PER2: variants seen among roughly 807,000 people sequenced by gnomAD.
PER2 encodes the protein period circadian regulator 2.
Under a neutral mutation model 121.0 loss-of-function variants are expected in PER2, and 66 were observed. The observed-to-expected ratio is 0.55, with a 90% CI of 0.45 to 0.67. The LOEUF is 0.67. PER2 is among the 30% of genes least tolerant of loss of function. PER2 has a pLI of 0.00. For synonymous variants in PER2, 684 were observed against 659.9 expected, an observed-to-expected ratio of 1.04 and a Z score of -0.56; for missense variants, 1,521 against 1,635.0, an observed-to-expected ratio of 0.93 and a Z score of 1.20.
chr2:238,274,966 GACC>G (rs1696407320), intron 4 of PER2, among the ~76,000 whole-genome samples: 1 of 152,156 alleles, frequency 6.6e-6, no homozygotes, highest in Admixed American at 6.5e-5. Flanking sequence ...GAGTGCTGAT[GACC>G]TGCTCACTGC....
chr2:238,297,298 G>A, the PER2 span, among the ~76,000 whole-genome samples: 2 of 152,222 alleles, frequency 1.3e-5, no homozygotes. Context: ...AGAATAGTGT[G>A]AAAACTGGAG....
chr2:238,255,428 CACTAGCCTGGGACT>C (rs1695729790), intron 18 of PER2: 4 of 603,512 alleles, frequency 6.6e-6, no homozygotes, highest in African/African-American at 5.5e-5. Context: ...CCACCTCGGG[CACTAGCCTGGGACT>C]ATTCCCCAGG....
At chr2:238,291,437 A>G (rs1160725573), upstream of PER2, among the ~76,000 whole-genome samples, 1 of 152,238 alleles carries the variant, frequency 6.6e-6, no homozygotes, top group African/African-American at 2.4e-5. Context: ...ACTATGTACC[A>G]GGCAACTGTG....
At chr2:238,272,231 C>A (rs1488793204) in intron 5 of PER2, among the ~76,000 whole-genome samples, 6 of 152,238 alleles carry the variant, frequency 3.9e-5, no homozygotes, top group Admixed American at 2.0e-4. Flanking sequence ...GTCTCCACCC[C>A]CTGGGAGGCG....
chr2:238,258,004 A>G (rs2106373048), intron 16 of PER2, among the ~76,000 whole-genome samples: 1 of 152,312 alleles, frequency 6.6e-6, no homozygotes, highest in Middle Eastern at 3.4e-3. Context: ...GGACCAGGAG[A>G]TGTCCCTGCA....
intron 17 of PER2, 123 bp from the exon 18 acceptor site, chr2:238,256,034 T>C (rs945419743): frequency 1.1e-5 from 13 of 1,236,584 alleles, no homozygotes; most frequent in Non-Finnish European, 1.3e-5. Context: ...GCCTGTGGCA[T>C]GAGGATGAGA....
intron 22 of PER2, 31 bp downstream of exon 22, chr2:238,249,031 C>G (rs1010150685): frequency 1.9e-6 from 3 of 1,609,772 alleles, no homozygotes; most frequent in Non-Finnish European, 2.6e-6. Context: ...CCTTTTAGGG[C>G]CATATCAGAA....
Position 238,246,302 on chromosome 2 carries a change from A to G in PER2, c.*73T>C. ...TGTGTCCATTTCAGTGGAAACAGCC[A>G]TGAAGATCTTTCATCTCTTCCAAGC... On this transcript the variant is annotated 3_prime_UTR_variant, in exon 23 of 23. Coordinates refer to ENST00000254657, the MANE Select transcript of PER2 (RefSeq NM_022817.3). The G allele has an allele frequency of 2.7e-6, 3 of 1,123,898 alleles. No homozygotes were observed. The highest frequency in any genetic ancestry group is 3.8e-6 in the Non-Finnish European group (3 of 793,236). 69.6% of individuals were successfully genotyped at this position (1,123,898 alleles called of 1,614,324 possible).
At chr2:238,263,094 C>T in intron 9 of PER2, 36 bp from the exon 10 acceptor site, 1 of 1,227,390 alleles carries the variant, frequency 8.1e-7, no homozygotes. Flanking sequence ...GGATTGGCAT[C>T]CAAACAGATG....
intron 22 of PER2, among the ~76,000 whole-genome samples, chr2:238,248,755 C>T (rs375905890): frequency 6.6e-6 from 1 of 151,708 alleles, no homozygotes; most frequent in East Asian, 1.9e-4. Context: ...TCCGGGGTTC[C>T]CGCCATTCTC....
chr2:238,283,029 C>T (rs145322256), intron 1 of PER2, among the ~76,000 whole-genome samples: 237 of 151,868 alleles, frequency 1.6e-3, no homozygotes, highest in Non-Finnish European at 2.7e-3. Context: ...TGTGTGGACT[C>T]GGATGACGTG....
At chr2:238,297,066 G>A in the PER2 span, among the ~76,000 whole-genome samples, 1 of 152,160 alleles carries the variant, frequency 6.6e-6, no homozygotes. Flanking sequence ...ACCCCCAAAA[G>A]GGGTTCAGAT....
rs761532132 is a variant in PER2 at position 238,276,775 on chromosome 2, C to T, written c.293+356G>A. ...TGCCCACATGCCCTGGACAAGGAGC[C>T]GGGTTCTGCTCCCGAGGTGACATGA... On this transcript the variant is annotated intron_variant, in intron 3 of 22. Coordinates refer to ENST00000254657, the MANE Select transcript of PER2 (RefSeq NM_022817.3). Among the ~76,000 whole-genome samples the T allele has an allele frequency of 2.6e-5, 4 of 152,136 alleles. 1 individual carries two copies. The highest frequency in any genetic ancestry group is 4.4e-5 in the Non-Finnish European group (3 of 68,022).
chr2:238,253,370 G>A lies in PER2; in HGVS notation c.2653C>T (p.Leu885Phe). Residue 885 changes from leucine to phenylalanine, a missense_variant, in exon 19 of 23, where the codon CTC becomes TTC. Transcript: ENST00000254657. The surrounding 1 kb of genome is among the most constrained non-coding windows in gnomAD (Gnocchi z 5.6). The part of the protein sequence containing the change: ...SFTVPAVPVD[L>F]QHQFAVQPPP... ...GGCTGGACTGCAAACTGGTGCTGGA[G>A]GTCCACGGGCACAGCAGGCACTGTG... 1 of 1,613,050 alleles carries A rather than the reference G, an allele frequency of 6.2e-7. No homozygotes were observed. Among genetic ancestry groups the A allele is most frequent in the Non-Finnish European group, 8.5e-7 (1 of 1,179,386 alleles).
intron 1 of PER2, among the ~76,000 whole-genome samples, chr2:238,279,797 C>T (rs535159546): frequency 2.6e-5 from 4 of 152,254 alleles, no homozygotes; most frequent in East Asian, 1.9e-4. Context: ...CTAGAAGTCC[C>T]GAAGGGTCCC....
In PER2 at chr2:238,275,822, A is replaced by G; in HGVS notation, c.369T>C (p.Pro123=). The G allele has an allele frequency of 6.2e-7, 1 of 1,614,248 alleles. No homozygotes were observed. Among genetic ancestry groups the G allele is most frequent in the Non-Finnish European group, 8.5e-7 (1 of 1,180,024 alleles). The change falls in exon 4 of 23, where the codon CCT becomes CCC. Residue 123 remains proline, a synonymous_variant. Transcript: ENST00000254657. The part of the protein sequence containing the change: ...KTLKELKVHL[P]ADKKAKGKAS... ...CCTTGCCCTTGGCCTTCTTGTCTGC[A>G]GGGAGGTGGACCTTCAGCTCCTTTA...
intron 9 of PER2, among the ~76,000 whole-genome samples, chr2:238,263,978 A>G (rs1350413397): frequency 6.9e-6 from 1 of 144,386 alleles, no homozygotes; most frequent in Admixed American, 7.0e-5. Flanking sequence ...GGAAGGAAAA[A>G]GAGGGGGAGG....
At chr2:238,269,087 C>A in intron 6 of PER2, 113 bp from the exon 7 acceptor site, 3 of 846,856 alleles carry the variant, frequency 3.5e-6, no homozygotes, top group Non-Finnish European at 6.0e-6. Flanking sequence ...AAGGTGAAAA[C>A]TGAAAATTTA....
rs556296690 is a variant in PER2, at chr2:238,265,440, T to G, written c.1046+72A>C. ...TTATCATGTAATTATAAAACCAAGATGCAGTCTTGGCTTTGGCTAAATAGC... is the reference window on the plus strand; with the variant it reads ...TTATCATGTAATTATAAAACCAAGAGGCAGTCTTGGCTTTGGCTAAATAGC... On this transcript the variant is annotated intron_variant, in intron 9 of 22. Transcript: ENST00000254657. 18 of 876,936 alleles carry G rather than the reference T, an allele frequency of 2.1e-5. No homozygotes were observed. The African/African-American group carries it at 3.0e-4, about 14-fold the overall frequency. 54.3% of individuals were successfully genotyped at this position (876,936 alleles called of 1,614,324 possible).
Sources: allele counts gnomAD v4.1 joint callset (sites outside exome capture counted in the v4.1 genomes callset), GRCh38; gene constraint gnomAD v4.1.1; non-coding constraint Gnocchi (gnomAD v3.1); transcripts MANE v1.5; gene names NCBI Gene and HGNC (gene_info 2026-07-23, HGNC 2026-07-21).